LRRC4C: variants seen among roughly 807,000 people sequenced by gnomAD.
The protein encoded by LRRC4C is leucine rich repeat containing 4C.
A neutral mutation model predicts 33.6 loss-of-function variants in LRRC4C; 5 were observed. That is an observed-to-expected ratio of 0.15 (90% confidence interval 0.08 to 0.31). LRRC4C has a LOEUF of 0.31. Among genes scored for constraint, LRRC4C ranks in the 10% least tolerant of loss-of-function variants. LRRC4C has a pLI of 1.00. For synonymous variants in LRRC4C, 329 were observed against 302.0 expected (o/e 1.09, Z -0.93); for missense variants, 560 against 796.7 (o/e 0.70, Z 3.58).
intron 2 of LRRC4C, among the ~76,000 whole-genome samples, chr11:40,695,482 A>G (rs1395469749): frequency 4.6e-5 from 7 of 152,102 alleles, no homozygotes; most frequent in Non-Finnish European, 1.0e-4. Context: ...GAACAGCTCT[A>G]TTTTCATTTT....
intron 3 of LRRC4C, among the ~76,000 whole-genome samples, chr11:40,579,757 CA>C (rs1240455135): frequency 7.3e-6 from 1 of 136,060 alleles, no homozygotes; most frequent in African/African-American, 2.9e-5. Context: ...ACAACAACAA[CA>C]AAAAACAGTG....
chr11:41,123,744 C>G (rs1362268201), intron 1 of LRRC4C, among the ~76,000 whole-genome samples: 1 of 152,150 alleles, frequency 6.6e-6, no homozygotes, highest in Non-Finnish European at 1.5e-5. Context: ...TCCAGATTTC[C>G]TCTAATTCTT....
chr11:40,332,661 C>A (rs1372516572), intron 3 of LRRC4C, among the ~76,000 whole-genome samples: 2 of 152,230 alleles, frequency 1.3e-5, no homozygotes, highest in South Asian at 4.1e-4. Context: ...GTGTCTTATT[C>A]TTTCCACTTT....
chr11:40,809,350 CT>C (rs1431399948), intron 2 of LRRC4C, among the ~76,000 whole-genome samples: 1 of 152,132 alleles, frequency 6.6e-6, no homozygotes, highest in Non-Finnish European at 1.5e-5. Flanking sequence ...CTTCAAGGCC[CT>C]TTGGATTGCA....
intron 3 of LRRC4C, among the ~76,000 whole-genome samples, chr11:40,500,091 C>G (rs983358034): frequency 1.8e-4 from 27 of 151,832 alleles, no homozygotes; most frequent in Non-Finnish European, 7.4e-5. Context: ...TTCAGTGGTG[C>G]ATACAGTTAT....
chr11:41,365,003 T>C (rs944123417), intron 1 of LRRC4C, among the ~76,000 whole-genome samples: 2 of 152,128 alleles, frequency 1.3e-5, no homozygotes, highest in African/African-American at 4.8e-5. Context: ...GTGATATTTG[T>C]ATTGACTAGT....
intron 1 of LRRC4C, among the ~76,000 whole-genome samples, chr11:41,131,672 A>G (rs1449753143): frequency 2.0e-5 from 3 of 152,096 alleles, no homozygotes; most frequent in Non-Finnish European, 4.4e-5. Context: ...TAGTCAAGGG[A>G]TGAGATAGAA....
intron 3 of LRRC4C, among the ~76,000 whole-genome samples, chr11:40,574,320 A>G (rs935514002): frequency 6.6e-6 from 1 of 152,178 alleles, no homozygotes; most frequent in African/African-American, 2.4e-5. Context: ...TCAGGGCCCA[A>G]AAGAGAACAG....
At chr11:41,353,544 C>T (rs1952055253) in intron 1 of LRRC4C, among the ~76,000 whole-genome samples, 1 of 152,028 alleles carries the variant, frequency 6.6e-6, no homozygotes, top group Admixed American at 6.6e-5. Flanking sequence ...TGTTCTGATG[C>T]CAAAACCTGG....
chr11:41,046,504 C>T (rs1431100156), intron 1 of LRRC4C, among the ~76,000 whole-genome samples: 1 of 152,124 alleles, frequency 6.6e-6, no homozygotes, highest in Non-Finnish European at 1.5e-5. Context: ...AGATTAAAGA[C>T]ATCACTCTTG....
intron 5 of LRRC4C, among the ~76,000 whole-genome samples, chr11:40,150,093 C>T (rs1000881648): frequency 1.6e-4 from 24 of 152,160 alleles, no homozygotes; most frequent in Admixed American, 3.3e-4. Context: ...TCTTCCTTGG[C>T]TTGTGGCTAC....
intron 1 of LRRC4C, among the ~76,000 whole-genome samples, chr11:41,439,668 A>T (rs11036403): frequency 9.9e-5 from 15 of 152,146 alleles, no homozygotes; most frequent in Non-Finnish European, 1.8e-4. Context: ...GTCTGTTAGC[A>T]GCTTGTATGT....
At chr11:41,244,937 T>C (rs949624103) in intron 1 of LRRC4C, among the ~76,000 whole-genome samples, 1 of 152,116 alleles carries the variant, frequency 6.6e-6, no homozygotes, top group African/African-American at 2.4e-5. Context: ...TGACAGGTAT[T>C]TTGCCTACAT....
intron 1 of LRRC4C, among the ~76,000 whole-genome samples, chr11:41,160,684 A>C (rs547880271): frequency 6.6e-6 from 1 of 152,286 alleles, no homozygotes; most frequent in African/African-American, 2.4e-5. Context: ...TATAAAAATA[A>C]ATTTAAAAAT....
At chr11:41,435,095 G>A (rs562580197) in intron 1 of LRRC4C, among the ~76,000 whole-genome samples, 10 of 152,120 alleles carry the variant, frequency 6.6e-5, no homozygotes, top group African/African-American at 2.2e-4. Flanking sequence ...AGTCCACAAG[G>A]TCCTTACTCC....
intron 3 of LRRC4C, among the ~76,000 whole-genome samples, chr11:40,578,265 C>G (rs914578500): frequency 4.2e-5 from 6 of 142,954 alleles, no homozygotes; most frequent in Admixed American, 3.7e-4. Context: ...CCCTGGCAAA[C>G]AGGTGAGCCC....
intron 1 of LRRC4C, among the ~76,000 whole-genome samples, chr11:41,230,919 A>C (rs966922640): frequency 6.6e-5 from 10 of 150,528 alleles, no homozygotes; most frequent in African/African-American, 2.2e-4. Flanking sequence ...AAAAAAAAAA[A>C]AAAACCAAAC....
At chr11:41,004,991 C>CATCATTATTATT (rs374955565) in intron 1 of LRRC4C, among the ~76,000 whole-genome samples, 5 of 104,812 alleles carry the variant, frequency 4.8e-5, no homozygotes, top group African/African-American at 1.8e-4. Flanking sequence ...TTATAACTTT[C>CATCATTATTATT]ATTATTATTA....
chr11:41,216,765 T>C (rs1186490311), intron 1 of LRRC4C, among the ~76,000 whole-genome samples: 1 of 152,158 alleles, frequency 6.6e-6, no homozygotes, highest in African/African-American at 2.4e-5. Context: ...CTGACAAGTA[T>C]GAGAAAAGTG....
Sources: allele counts gnomAD v4.1 joint callset (sites outside exome capture counted in the v4.1 genomes callset), GRCh38; gene constraint gnomAD v4.1.1; transcripts MANE v1.5; gene names NCBI Gene and HGNC (gene_info 2026-07-23, HGNC 2026-07-21).